Variants in DDHD1 observed in about 807,000 individuals in gnomAD.
DDHD1 encodes DDHD domain containing 1.
In DDHD1, 49 loss-of-function variants were observed where a neutral mutation model predicts 96.4. That is an observed-to-expected ratio of 0.51 (90% CI 0.40 to 0.64). The LOEUF (loss-of-function observed/expected upper bound fraction) is 0.64. Among genes scored for constraint, DDHD1 ranks in the 30% least tolerant of loss-of-function variants. The pLI, the probability that DDHD1 is intolerant of heterozygous loss-of-function variation, is 0.00. For missense variants in DDHD1, 1,106 were observed against 1,161.2 expected, an observed-to-expected ratio of 0.95 and a Z score of 0.69; for synonymous variants, 442 against 446.5, an observed-to-expected ratio of 0.99 and a Z score of 0.13.
chr14:53,125,430 G>T (rs1477388249), intron 1 of DDHD1, among the ~76,000 whole-genome samples: 2 of 152,130 alleles, frequency 1.3e-5, no homozygotes, highest in Non-Finnish European at 2.9e-5. Flanking sequence ...AAATAAAATG[G>T]AGTATACAAC....
intron 6 of DDHD1, among the ~76,000 whole-genome samples, chr14:53,069,431 T>C (rs1039892601): frequency 1.3e-5 from 2 of 152,224 alleles, no homozygotes; most frequent in Admixed American, 6.5e-5. Flanking sequence ...CAGTGCTCAC[T>C]TCATGTCTGT....
chr14:53,077,206 A>G (rs181331808), intron 4 of DDHD1, among the ~76,000 whole-genome samples: 16 of 152,310 alleles, frequency 1.1e-4, no homozygotes, highest in Non-Finnish European at 2.1e-4. Context: ...CTACTACTCC[A>G]TATGTACATA....
At chr14:53,072,905 G>A (rs553478969) in intron 5 of DDHD1, among the ~76,000 whole-genome samples, 1 of 151,620 alleles carries the variant, frequency 6.6e-6, no homozygotes, top group African/African-American at 2.4e-5. Context: ...CAACATAGGA[G>A]ATGAAAAGAA....
At chr14:53,068,243 C>CTTTTTTTTTTTTTTTT (rs55662153) in intron 6 of DDHD1, among the ~76,000 whole-genome samples, 3 of 104,452 alleles carry the variant, frequency 2.9e-5, no homozygotes, top group East Asian at 2.7e-4. Context: ...CTTTATGATA[C>CTTTTTTTTTTTTTTTT]TTTTTTTTTT....
intron 3 of DDHD1, 51 bp downstream of exon 3, chr14:53,093,264 GA>G: frequency 1.3e-6 from 2 of 1,553,938 alleles, no homozygotes; most frequent in Non-Finnish European, 1.7e-6. Context: ...GAATATGAGA[GA>G]AAGTCAGATT....
At chr14:53,077,672 T>TG (rs1388513363) in intron 4 of DDHD1, among the ~76,000 whole-genome samples, 2 of 148,818 alleles carry the variant, frequency 1.3e-5, no homozygotes, top group African/African-American at 4.9e-5. Context: ...TGTTTTTGTT[T>TG]TTTTTTTTTA....
chr14:53,059,345 C>T (rs538273229), intron 8 of DDHD1, among the ~76,000 whole-genome samples: 16 of 152,076 alleles, frequency 1.1e-4, no homozygotes, highest in African/African-American at 3.9e-4. Context: ...CCTGGGTTCA[C>T]GCTATTCTCC....
intron 6 of DDHD1, among the ~76,000 whole-genome samples, chr14:53,064,443 T>C (rs1883852369): frequency 6.6e-6 from 1 of 152,044 alleles, no homozygotes; most frequent in Non-Finnish European, 1.5e-5. Context: ...ATATTAAAGT[T>C]TGTTAAAAAA....
At chr14:53,099,987 G>A (rs930752991) in intron 2 of DDHD1, among the ~76,000 whole-genome samples, 1 of 151,838 alleles carries the variant, frequency 6.6e-6, no homozygotes, top group Admixed American at 6.6e-5. Flanking sequence ...AGTTAATAAG[G>A]AGGAAAAGAT....
rs141636646 is a variant in DDHD1 at position 53,152,428 on chromosome 14, C to G, written c.671G>C (p.Ser224Thr). Residue 224 changes from serine to threonine, a missense_variant, in exon 1 of 13, where the codon AGT becomes ACT. Physicochemically the swap from Ser to Thr is moderately conservative, Grantham distance 58 (BLOSUM62 1). Transcript: ENST00000673822. ...GTCCTCATCGTCATCTTCTCCGGAA[C>G]TGGAGGCTGGGCCCGTGGGGGAGCA... The part of the protein sequence containing the change: ...HVCSPTGPAS[S>T]SGEDDDEDRA... 2.5e-6 allele frequency: 4 copies of G among 1,613,780 alleles called. No homozygotes were observed. Among genetic ancestry groups the G allele is most frequent in the Non-Finnish European group, 3.4e-6 (4 of 1,179,950 alleles).
chr14:53,134,438 C>G (rs149311967), intron 1 of DDHD1, among the ~76,000 whole-genome samples: 1 of 152,000 alleles, frequency 6.6e-6, no homozygotes, highest in East Asian at 1.9e-4. Context: ...TTTTCATTCT[C>G]GTCTTATGCC....
At chr14:53,093,226 T>C in intron 3 of DDHD1, 90 bp downstream of exon 3, 3 of 1,373,442 alleles carry the variant, frequency 2.2e-6, no homozygotes, top group Non-Finnish European at 2.9e-6. Flanking sequence ...TAAAACATAC[T>C]AAAAACAGAA....
At chr14:53,068,968 T>C (rs1029665857) in intron 6 of DDHD1, among the ~76,000 whole-genome samples, 6 of 152,240 alleles carry the variant, frequency 3.9e-5, no homozygotes, top group Non-Finnish European at 1.5e-5. Context: ...GGCATTCTAC[T>C]GTAAGCAAGG....
rs141960546 is a variant in DDHD1, at chr14:53,046,817, T to C, written c.2654A>G (p.Tyr885Cys). Residue 885 changes from tyrosine to cysteine, a missense_variant, in exon 13 of 13, where the codon TAT becomes TGT. By Grantham distance (194) the Tyr-to-Cys change is radical. This residue lies in a region of DDHD1 where 650 missense variants were observed against 758.8 expected (regional missense o/e 0.86). Transcript: ENST00000673822. Reference protein sequence around the residue: ...DVALFLLTFMYKHEHDDDAKP... With the variant: ...DVALFLLTFMCKHEHDDDAKP... ...TGCATCATCATCGTGCTCATGTTTA[T>C]ACATGAAGGTTAAAAGAAAAAGGGC... 96 of 1,612,720 alleles carry C rather than the reference T, an allele frequency of 6.0e-5. No homozygotes were observed. The East Asian group carries it at 1.6e-3, about 27-fold the overall frequency.
At chr14:53,097,229 C>T (rs939446996) in intron 2 of DDHD1, among the ~76,000 whole-genome samples, 12 of 152,010 alleles carry the variant, frequency 7.9e-5, no homozygotes, top group African/African-American at 2.4e-4. Context: ...ATATTTAATT[C>T]CTGTTTTATA....
In DDHD1 at chr14:53,058,701, A is replaced by G. The variant is rs964753790; in HGVS notation, c.1843-75T>C. On this transcript the variant is annotated intron_variant, in intron 8 of 12. Coordinates refer to ENST00000673822, the MANE Select transcript of DDHD1 (RefSeq NM_001160148.2). ...TTCAACAAAATTTGGGCATAACGTA[A>G]TATATGGCAAAATACAAATAATAAA... 1.3e-5 allele frequency: 17 copies of G among 1,300,056 alleles called. No homozygotes were observed. The Admixed American group carries it at 1.4e-4, about 11-fold the overall frequency. 80.5% of individuals were successfully genotyped at this position (1,300,056 alleles called of 1,614,324 possible).
At chr14:53,126,913 G>A (rs1473180119) in intron 1 of DDHD1, among the ~76,000 whole-genome samples, 3 of 152,118 alleles carry the variant, frequency 2.0e-5, no homozygotes, top group Non-Finnish European at 2.9e-5. Flanking sequence ...CTAGTCAGGA[G>A]GATTAACTAG....
At position 53,063,122 on chromosome 14, in the gene DDHD1, AC is replaced by A. The variant is rs1255968411; in HGVS notation, c.1586del (p.Gly529ValfsTer5). ...AGGAATGTGATACTATTGAGACTTT[AC>A]CCCCTTTTTCTTCAAAGTCTGGATT... ...SRNPDFEEKGGKVSIVSHSLG... is the reference protein window; with the variant it reads ...SRNPDFEEKGXKVSIVSHSLG... On this transcript the variant is annotated frameshift_variant, in exon 7 of 13. Coordinates refer to ENST00000673822, the MANE Select transcript of DDHD1 (RefSeq NM_001160148.2). LOFTEE classifies it high-confidence loss of function. The A allele has an allele frequency of 6.2e-7, 1 of 1,613,858 alleles. No individual in the cohort carries two copies. Among genetic ancestry groups the A allele is most frequent in the Non-Finnish European group, 8.5e-7 (1 of 1,179,980 alleles).
At chr14:53,152,231 G>A in intron 1 of DDHD1, 30 bp downstream of exon 1, 2 of 1,566,350 alleles carry the variant, frequency 1.3e-6, no homozygotes, top group Non-Finnish European at 1.7e-6. Context: ...GGGGCAGCCC[G>A]TCCTGCCCTA....
Sources: gnomAD v4.1 joint callset for allele counts (sites outside exome capture counted in the v4.1 genomes callset) on GRCh38, gnomAD v4.1.1 for gene constraint, gnomAD v4.1.1 regional missense constraint, MANE v1.5 for transcripts, NCBI Gene and HGNC (gene_info 2026-07-23, HGNC 2026-07-21) for gene names.